Variants in RBFOX1 observed in about 807,000 individuals in gnomAD.
The protein encoded by RBFOX1 is RNA binding protein fox-1 homolog 1.
Under a neutral mutation model 57.7 loss-of-function variants are expected in RBFOX1, and 8 were observed. The observed-to-expected ratio is 0.14, with a 90% CI of 0.08 to 0.25. RBFOX1 has a LOEUF of 0.25. Ranked by LOEUF, RBFOX1 falls within the 10% of genes least tolerant of loss-of-function variation. The pLI is 1.00. For synonymous variants in RBFOX1, 326 were observed against 222.4 expected, an observed-to-expected ratio of 1.47 and a Z score of -4.15; for missense variants, 611 against 548.5, an observed-to-expected ratio of 1.11 and a Z score of -1.14.
intron 2 of RBFOX1, among the ~76,000 whole-genome samples, chr16:5,552,010 T>G (rs2151085057): frequency 6.6e-6 from 1 of 152,338 alleles, no homozygotes; most frequent in East Asian, 1.9e-4. Flanking sequence ...TTATTAGCTG[T>G]GGATGAGTCA....
chr16:6,674,768 A>G (rs1412899127), intron 3 of RBFOX1, among the ~76,000 whole-genome samples: 9 of 152,204 alleles, frequency 5.9e-5, no homozygotes, highest in Non-Finnish European at 1.3e-4. Flanking sequence ...CAGAAGCTAC[A>G]AGAGGCAAGG....
chr16:7,068,850 A>T (rs2881359), intron 4 of RBFOX1, among the ~76,000 whole-genome samples: 1 of 152,058 alleles, frequency 6.6e-6, no homozygotes, highest in Non-Finnish European at 1.5e-5. Flanking sequence ...TGGCCTCCCA[A>T]TGTGCTGGGG....
chr16:5,334,733 T>C (rs1740538690), intron 1 of RBFOX1, among the ~76,000 whole-genome samples: 1 of 151,848 alleles, frequency 6.6e-6, no homozygotes, highest in East Asian at 1.9e-4. Context: ...ATAGGAATAA[T>C]GTACCATGGG....
At chr16:5,480,386 A>G (rs1360386573) in intron 2 of RBFOX1, among the ~76,000 whole-genome samples, 1 of 152,194 alleles carries the variant, frequency 6.6e-6, no homozygotes, top group East Asian at 1.9e-4. Context: ...ATTTAAAAAA[A>G]AAAACCCAAC....
intron 4 of RBFOX1, among the ~76,000 whole-genome samples, chr16:5,985,555 G>A (rs1271419482): frequency 6.6e-6 from 1 of 152,176 alleles, no homozygotes; most frequent in Non-Finnish European, 1.5e-5. Flanking sequence ...CAGAGGGAAG[G>A]TTCAAACCCA....
chr16:7,231,421 C>T (rs1266529650), intron 4 of RBFOX1, among the ~76,000 whole-genome samples: 2 of 152,132 alleles, frequency 1.3e-5, no homozygotes, highest in African/African-American at 4.8e-5. Flanking sequence ...AACACAGCTC[C>T]TAAGAGCAAA....
intron 2 of RBFOX1, among the ~76,000 whole-genome samples, chr16:6,322,826 A>C (rs1056523026): frequency 3.9e-5 from 6 of 152,230 alleles, no homozygotes; most frequent in African/African-American, 1.4e-4. Flanking sequence ...CCTTAATTCA[A>C]GGCCAGGCAC....
chr16:5,265,221 A>G lies in RBFOX1; in HGVS notation c.219+25116A>G, dbSNP rs545222580. ...TCAGCTCCTAACACCCCTTTATAGG[A>G]GCTTAGCCAAGACTTGGACTATTTC... is the stretch of plus-strand genomic sequence containing the variant. On this transcript the variant is annotated intron_variant, in intron 1 of 2. Transcript: ENST00000585867. Among the ~76,000 whole-genome samples, 9 of 152,300 alleles carry G rather than the reference A, an allele frequency of 5.9e-5. No homozygotes were observed. The South Asian group carries it at 1.9e-3, about 32-fold the overall frequency.
intron 10 of RBFOX1, among the ~76,000 whole-genome samples, chr16:7,630,077 C>G (rs186767657): frequency 2.0e-5 from 3 of 152,048 alleles, no homozygotes; most frequent in Admixed American, 6.6e-5. Context: ...AACATGTATG[C>G]TTACTATTGA....
chr16:5,490,463 C>A (rs2151669312), intron 2 of RBFOX1, among the ~76,000 whole-genome samples: 1 of 152,306 alleles, frequency 6.6e-6, no homozygotes, highest in South Asian at 2.1e-4. Context: ...CTTGTGGAGG[C>A]AGAGAGAGGC....
chr16:6,693,119 CCATCACCATCAT>C (rs1451779817), intron 3 of RBFOX1, among the ~76,000 whole-genome samples: 4 of 149,152 alleles, frequency 2.7e-5, no homozygotes, highest in Non-Finnish European at 5.9e-5. Flanking sequence ...TCCTCCCCCA[CCATCACCATCAT>C]CATCACCATC....
At chr16:6,084,636 C>G (rs1363557993) in intron 1 of RBFOX1, among the ~76,000 whole-genome samples, 1 of 152,072 alleles carries the variant, frequency 6.6e-6, no homozygotes, top group Non-Finnish European at 1.5e-5. Flanking sequence ...AAAACAGTGA[C>G]ATGGTGAAAA....
intron 1 of RBFOX1, among the ~76,000 whole-genome samples, chr16:6,179,620 A>G (rs2097046511): frequency 6.6e-6 from 1 of 152,196 alleles, no homozygotes; most frequent in South Asian, 2.1e-4. Flanking sequence ...GCCTACAGCA[A>G]CAAGAACCAG....
intron 1 of RBFOX1, among the ~76,000 whole-genome samples, chr16:6,169,901 A>T (rs2096946180): frequency 6.6e-6 from 1 of 152,128 alleles, no homozygotes; most frequent in Non-Finnish European, 1.5e-5. Context: ...AGTAGCTGGG[A>T]TTACAGGCAT....
At chr16:7,502,566 A>C (rs1247434385) in intron 4 of RBFOX1, among the ~76,000 whole-genome samples, 2 of 152,148 alleles carry the variant, frequency 1.3e-5, no homozygotes, top group African/African-American at 4.8e-5. Flanking sequence ...CATGGTAGTG[A>C]GGCATAAACT....
chr16:7,340,822 C>A (rs1300873006), intron 4 of RBFOX1, among the ~76,000 whole-genome samples: 6 of 152,186 alleles, frequency 3.9e-5, no homozygotes, highest in Non-Finnish European at 7.3e-5. Flanking sequence ...TAAAGGGACA[C>A]TGTCAATCTC....
chr16:6,275,263 A>G (rs775160825), intron 1 of RBFOX1, among the ~76,000 whole-genome samples: 27 of 152,030 alleles, frequency 1.8e-4, no homozygotes, highest in East Asian at 1.9e-4. Flanking sequence ...GTGAGCCGAG[A>G]TCATGCCATT....
At chr16:5,268,648 C>A (rs1047915470) in intron 1 of RBFOX1, among the ~76,000 whole-genome samples, 1 of 152,192 alleles carries the variant, frequency 6.6e-6, no homozygotes, top group African/African-American at 2.4e-5. Context: ...GCACTAGAGA[C>A]CAGTCAATGT....
chr16:7,697,026 G>A (rs546188499), intron 14 of RBFOX1, among the ~76,000 whole-genome samples: 102 of 152,304 alleles, frequency 6.7e-4, no homozygotes, highest in African/African-American at 2.1e-3. Flanking sequence ...CTTGGAGGCT[G>A]CAGAACATAT....
Sources: gnomAD v4.1 joint callset for allele counts (sites outside exome capture counted in the v4.1 genomes callset) on GRCh38, gnomAD v4.1.1 for gene constraint, MANE v1.5 for transcripts, NCBI Gene and HGNC (gene_info 2026-07-23, HGNC 2026-07-21) for gene names.